Variants in PLEKHA7 observed in about 807,000 individuals in gnomAD.
PLEKHA7 encodes pleckstrin homology domain-containing family A member 7.
Under a neutral mutation model 170.0 loss-of-function variants are expected in PLEKHA7, and 104 were observed. The ratio of observed to expected loss-of-function variants is 0.61; its 90% CI spans 0.52 to 0.72. The LOEUF is 0.72. Among genes scored for constraint, PLEKHA7 ranks in the 30% least tolerant of loss-of-function variants. The pLI, the probability that PLEKHA7 is intolerant of heterozygous loss-of-function variation, is 0.00. For missense variants in PLEKHA7, 1,615 were observed against 1,671.7 expected, an observed-to-expected ratio of 0.97 and a Z score of 0.59; for synonymous variants, 648 against 660.8, an observed-to-expected ratio of 0.98 and a Z score of 0.30.
chr11:16,807,047 G>A (rs217744), intron 13 of PLEKHA7: 102,761 of 435,384 alleles, frequency 0.24, 12,167 homozygotes, highest in African/African-American at 0.25. Context: ...AGCCTGGGGC[G>A]GTCAGGAGAG....
intron 3 of PLEKHA7, among the ~76,000 whole-genome samples, chr11:16,892,001 G>A (rs938772816): frequency 6.6e-6 from 1 of 152,192 alleles, no homozygotes; most frequent in Non-Finnish European, 1.5e-5. Flanking sequence ...ATTTTTCAAG[G>A]AACTGAGTGT....
chr11:17,002,194 G>A (rs891911584), intron 3 of PLEKHA7, among the ~76,000 whole-genome samples: 1 of 152,246 alleles, frequency 6.6e-6, no homozygotes, highest in African/African-American at 2.4e-5. Flanking sequence ...ATCAGGGAAG[G>A]TGCAGGCAGA....
At position 16,854,938 on chromosome 11, in the gene PLEKHA7, C is replaced by T. The variant is rs746041161; in HGVS notation, c.473G>A (p.Arg158Gln). Residue 158 changes from arginine to glutamine, a missense_variant, in exon 6 of 27, where the codon CGG becomes CAG. Transcript: ENST00000531066. ...CACCACGGGAACATTGGGGTTCCTC[C>T]GAATGGCCTGGTCTCTCTTCCCAAA... ...HSFGKRDQAI[R>Q]RNPNVPVVVR... The T allele has an allele frequency of 2.0e-5, 33 of 1,613,952 alleles. No homozygotes were observed. The highest frequency in any genetic ancestry group is 5.0e-5 in the Admixed American group (3 of 59,998).
chr11:16,803,207 G>A lies in PLEKHA7; in HGVS notation c.2076+20C>T, dbSNP rs139399836. The A allele has an allele frequency of 1.1e-5, 17 of 1,609,900 alleles. No homozygotes were observed. The highest frequency in any genetic ancestry group is 5.3e-5 in the African/African-American group (4 of 74,964). On this transcript the variant is annotated intron_variant, in intron 14 of 26. Transcript: ENST00000531066. ...GTCAGGAGGCAGCTGAGGGGTCAGC[G>A]TGTCACTCTGCTCACTCACGTCAGT... is the stretch of plus-strand genomic sequence containing the variant.
intron 24 of PLEKHA7, among the ~76,000 whole-genome samples, chr11:16,785,383 C>T (rs748385906): frequency 2.0e-5 from 3 of 152,168 alleles, no homozygotes; most frequent in Non-Finnish European, 2.9e-5. Flanking sequence ...GCTTTTGGTA[C>T]ATTTATGGGT....
chr11:16,865,222 A>G (rs1301147348), intron 4 of PLEKHA7, among the ~76,000 whole-genome samples: 1 of 152,234 alleles, frequency 6.6e-6, no homozygotes, highest in Non-Finnish European at 1.5e-5. Context: ...ATGTAACAGA[A>G]CTATTCTCCC....
chr11:16,789,931 C>A lies in PLEKHA7; in HGVS notation c.3053-53G>T, dbSNP rs575646338. ...TGTTTGTGCTGGGGTGGATGGGTCCCTGCTTCTCCCTCATCACACATTCTT... is the reference window on the plus strand; with the variant it reads ...TGTTTGTGCTGGGGTGGATGGGTCCATGCTTCTCCCTCATCACACATTCTT... On this transcript the variant is annotated intron_variant, in intron 21 of 26. Coordinates refer to ENST00000531066, the MANE Select transcript of PLEKHA7 (RefSeq NM_001329630.2). This position sits in a 1 kb window ranked among gnomAD's most constrained non-coding sequence, Gnocchi z 4.6. 8.9e-6 allele frequency: 13 copies of A among 1,452,842 alleles called. No homozygotes were observed. In the African/African-American group the frequency reaches 9.8e-5, roughly 11 times the overall value. The allele number at this position is 1,452,842 out of a possible 1,614,324, so 90.0% of individuals were successfully genotyped here.
intron 3 of PLEKHA7, among the ~76,000 whole-genome samples, chr11:17,006,343 AC>A (rs1255962943): frequency 2.7e-5 from 4 of 150,168 alleles, no homozygotes; most frequent in Admixed American, 6.6e-5. Context: ...AAAAAAAAAA[AC>A]GTCCAGGCAC....
intron 13 of PLEKHA7, chr11:16,803,607 C>A (rs1346014969): frequency 3.0e-6 from 1 of 328,682 alleles, no homozygotes; most frequent in African/African-American, 2.1e-5. Context: ...TGTGAAAAAT[C>A]AGCATGAATC....
rs58306902 is a variant in PLEKHA7 at position 16,867,163 on chromosome 11, T to G, written c.305+3936A>C. 9.4e-3 allele frequency among the ~76,000 whole-genome samples: 1,436 copies of G among 152,242 alleles called. 24 individuals carry two copies. Among genetic ancestry groups the G allele is most frequent in the African/African-American group, 0.032 (1,347 of 41,528 alleles). Reference sequence around the variant, plus strand: ...ATTTAGAAGGGATGAAAAGAGCAAGTTGCCTAAATCAGTAGTTCTTAAACT... The same window carrying G: ...ATTTAGAAGGGATGAAAAGAGCAAGGTGCCTAAATCAGTAGTTCTTAAACT... On this transcript the variant is annotated intron_variant, in intron 4 of 26. Coordinates refer to ENST00000531066, the MANE Select transcript of PLEKHA7 (RefSeq NM_001329630.2).
chr11:16,802,888 C>A, intron 15 of PLEKHA7, 84 bp downstream of exon 15: 1 of 1,164,758 alleles, frequency 8.6e-7, no homozygotes, highest in Non-Finnish European at 1.3e-6. Context: ...TCAATACTAA[C>A]ATGAGGGTCC....
rs371533440 is a variant in PLEKHA7 at position 16,816,202 on chromosome 11, G to T, written c.1929C>A (p.Ser643Arg). The change falls in exon 12 of 27, where the codon AGC becomes AGA. Residue 643 changes from serine to arginine, a missense_variant. By Grantham distance (110) the Ser-to-Arg change is moderately radical (BLOSUM62 -1). Transcript: ENST00000531066. ...CCGATTTTCCATGTAAACTGGGAGC[G>T]CTGACGGTGTGGGTCATGTAACCCA... ...PSMGYMTHTV[S>R]APSLHGKSAD... 1 of 1,613,564 alleles carries T rather than the reference G, an allele frequency of 6.2e-7. No individual in the cohort carries two copies. Among genetic ancestry groups the T allele is most frequent in the Non-Finnish European group, 8.5e-7 (1 of 1,179,624 alleles).
chr11:16,944,642 G>T (rs1860909285), intron 3 of PLEKHA7, among the ~76,000 whole-genome samples: 1 of 151,958 alleles, frequency 6.6e-6, no homozygotes, highest in Non-Finnish European at 1.5e-5. Context: ...TGGACTGCTG[G>T]TATCATTCTT....
chr11:16,930,526 T>C (rs1384064203), intron 3 of PLEKHA7, among the ~76,000 whole-genome samples: 5 of 152,222 alleles, frequency 3.3e-5, no homozygotes, highest in African/African-American at 4.8e-5. Context: ...GCTTGTATTA[T>C]TTGACCACTT....
Position 16,818,791 on chromosome 11 carries a change from C to CTT in PLEKHA7, c.1344-1471_1344-1470dup, listed in dbSNP as rs11401977. ...ACCAACTAGCCATCTTATTTTCTTT[C>CTT]TTTTTTTTTTCTCTCTTTTTTTTCT... On this transcript the variant is annotated intron_variant, in intron 10 of 26. Transcript: ENST00000531066. Among the ~76,000 whole-genome samples, 709 of 148,636 alleles carry CTT rather than the reference C, an allele frequency of 4.8e-3. 8 individuals carry two copies. Among genetic ancestry groups the CTT allele is most frequent in the African/African-American group, 0.016 (654 of 40,488 alleles).
chr11:16,854,167 G>A (rs1210653401), intron 6 of PLEKHA7, among the ~76,000 whole-genome samples: 1 of 152,188 alleles, frequency 6.6e-6, no homozygotes, highest in African/African-American at 2.4e-5. Context: ...GAGAGAAGGA[G>A]AGCAAAAGAG....
intron 3 of PLEKHA7, among the ~76,000 whole-genome samples, chr11:16,877,739 C>T (rs1398470055): frequency 6.6e-6 from 1 of 152,196 alleles, no homozygotes. Flanking sequence ...AACATCTGCC[C>T]TAAGCAACAA....
chr11:16,862,106 A>T (rs1157883971), intron 4 of PLEKHA7, among the ~76,000 whole-genome samples: 1 of 152,112 alleles, frequency 6.6e-6, no homozygotes, highest in Non-Finnish European at 1.5e-5. Context: ...TTCATTCAGC[A>T]ACTGTGGTCT....
At chr11:16,982,939 A>T (rs1021970650) in intron 3 of PLEKHA7, among the ~76,000 whole-genome samples, 2 of 152,106 alleles carry the variant, frequency 1.3e-5, no homozygotes, top group African/African-American at 4.8e-5. Flanking sequence ...TCTGACTCAA[A>T]GGCCTTTCTT....
Sources: gnomAD v4.1 joint callset for allele counts (sites outside exome capture counted in the v4.1 genomes callset) on GRCh38, gnomAD v4.1.1 for gene constraint, Gnocchi (gnomAD v3.1) non-coding constraint, MANE v1.5 for transcripts, NCBI Gene and HGNC (gene_info 2026-07-23, HGNC 2026-07-21) for gene names.